CDKAL1: variants seen among roughly 807,000 people sequenced by gnomAD.
The protein encoded by CDKAL1 is threonylcarbamoyladenosine tRNA methylthiotransferase.
In CDKAL1, 32 loss-of-function variants were observed where a neutral mutation model predicts 68.2. That is an observed-to-expected ratio of 0.47 (90% confidence interval 0.35 to 0.63). CDKAL1 has a LOEUF of 0.63. CDKAL1 is among the 30% of genes least tolerant of loss of function. CDKAL1 has a pLI of 0.00. For synonymous variants in CDKAL1, 234 were observed against 244.3 expected (o/e 0.96, Z 0.39); for missense variants, 606 against 696.7 (o/e 0.87, Z 1.47).
intron 15 of CDKAL1, among the ~76,000 whole-genome samples, chr6:21,201,918 T>A (rs1778706720): frequency 6.6e-6 from 1 of 151,852 alleles, no homozygotes; most frequent in Non-Finnish European, 1.5e-5. Flanking sequence ...TTTCTAAGCA[T>A]CATTTGATGT....
intron 2 of CDKAL1, among the ~76,000 whole-genome samples, chr6:20,535,776 C>T (rs958545606): frequency 6.6e-6 from 1 of 152,110 alleles, no homozygotes; most frequent in Non-Finnish European, 1.5e-5. Flanking sequence ...TTTTTCTTCC[C>T]CTCTGGGTGA....
At position 20,802,312 on chromosome 6, in the gene CDKAL1, C is replaced by CAATAATAATAATAAT. The variant is rs1349564349; in HGVS notation, c.638+21049_638+21050insTAATAATAATAATAA. On this transcript the variant is annotated intron_variant, in intron 8 of 15. Coordinates refer to ENST00000274695, the MANE Select transcript of CDKAL1 (RefSeq NM_017774.3). ...ACTCCGTCTCAAAAAACAACAACAACAACAATAATAATAATAATAATAATA... is the reference window on the plus strand; with the variant it reads ...ACTCCGTCTCAAAAAACAACAACAACAATAATAATAATAATAACAATAATAATAATAATAATAATA... Among the ~76,000 whole-genome samples the CAATAATAATAATAAT allele has an allele frequency of 8.3e-3, 829 of 99,634 alleles. 3 individuals are homozygous for CAATAATAATAATAAT. The highest frequency in any genetic ancestry group is 0.015 in the Middle Eastern group (3 of 194). 65.4% of individuals were successfully genotyped at this position (99,634 alleles called of 152,430 possible). A position where few individuals can be genotyped will look rare whatever the true frequency, so the allele number is the denominator to read the frequency against.
intron 13 of CDKAL1, among the ~76,000 whole-genome samples, chr6:21,132,533 A>G (rs1196366851): frequency 6.6e-6 from 1 of 151,346 alleles, no homozygotes; most frequent in Non-Finnish European, 1.5e-5. Flanking sequence ...TTTTTTTATT[A>G]TTGCTTGTAC....
intron 11 of CDKAL1, among the ~76,000 whole-genome samples, chr6:21,023,987 G>C (rs1768820398): frequency 6.6e-6 from 1 of 152,132 alleles, no homozygotes. Flanking sequence ...AAAGTTTCAT[G>C]AATTTTAATG....
intron 4 of CDKAL1, among the ~76,000 whole-genome samples, chr6:20,556,006 T>C (rs2127663566): frequency 6.6e-6 from 1 of 152,234 alleles, no homozygotes; most frequent in Middle Eastern, 3.4e-3. Context: ...TATATCCCAC[T>C]GCAGTCTATA....
chr6:20,829,529 C>G (rs1000990071), intron 8 of CDKAL1, among the ~76,000 whole-genome samples: 6 of 152,288 alleles, frequency 3.9e-5, no homozygotes, highest in African/African-American at 1.4e-4. Context: ...AGATGCAATG[C>G]AAGGCATTAC....
At chr6:20,786,497 T>TC (rs1443159074) in intron 8 of CDKAL1, among the ~76,000 whole-genome samples, 4 of 132,710 alleles carry the variant, frequency 3.0e-5, no homozygotes, top group Non-Finnish European at 6.5e-5. Context: ...TTCTTATCTT[T>TC]TTTTTTTTTT....
At chr6:21,094,723 A>G (rs4454125) in intron 12 of CDKAL1, among the ~76,000 whole-genome samples, 58,314 of 152,068 alleles carry the variant, frequency 0.38, 11,556 homozygotes, top group East Asian at 0.63. Flanking sequence ...TCCAGACACT[A>G]GGTAAAGAGA....
At position 20,807,386 on chromosome 6, in the gene CDKAL1, G is replaced by A. The variant is rs537868454; in HGVS notation, c.638+26121G>A. 2.0e-5 allele frequency among the ~76,000 whole-genome samples: 3 copies of A among 152,254 alleles called. No individual in the cohort carries two copies. The South Asian group carries it at 6.2e-4, about 32-fold the overall frequency. ...CTACAGGCGCATGCCACCACGCCCA[G>A]CTAATTTTCGTATTTTTGTAGAGAT... is the stretch of plus-strand genomic sequence containing the variant. On this transcript the variant is annotated intron_variant, in intron 8 of 15. Coordinates refer to ENST00000274695, the MANE Select transcript of CDKAL1 (RefSeq NM_017774.3).
chr6:20,710,213 A>T (rs1484158631), intron 5 of CDKAL1, among the ~76,000 whole-genome samples: 1 of 152,190 alleles, frequency 6.6e-6, no homozygotes, highest in African/African-American at 2.4e-5. Flanking sequence ...TCATCTTCCT[A>T]AATTTAGTAA....
intron 13 of CDKAL1, among the ~76,000 whole-genome samples, chr6:21,176,989 G>T (rs1252888878): frequency 6.6e-6 from 1 of 152,004 alleles, no homozygotes; most frequent in African/African-American, 2.4e-5. Context: ...GAGCCACTGC[G>T]CCTGGCCAGA....
chr6:20,587,908 C>T (rs1765441992), intron 4 of CDKAL1, among the ~76,000 whole-genome samples: 1 of 152,088 alleles, frequency 6.6e-6, no homozygotes, highest in Non-Finnish European at 1.5e-5. Flanking sequence ...CCAGCCTGGG[C>T]AACATAGCGA....
intron 13 of CDKAL1, among the ~76,000 whole-genome samples, chr6:21,111,440 A>G (rs1471729714): frequency 6.6e-6 from 1 of 152,212 alleles, no homozygotes. Context: ...TAGTGCAACC[A>G]TTTTGTTCTC....
chr6:20,843,291 T>A (rs1386535543), intron 8 of CDKAL1, among the ~76,000 whole-genome samples: 1 of 152,096 alleles, frequency 6.6e-6, no homozygotes, highest in Non-Finnish European at 1.5e-5. Context: ...GTTATAAATT[T>A]TAAAATATGT....
At chr6:21,046,804 G>A (rs1770259137) in intron 11 of CDKAL1, among the ~76,000 whole-genome samples, 1 of 152,178 alleles carries the variant, frequency 6.6e-6, no homozygotes, top group Non-Finnish European at 1.5e-5. Flanking sequence ...GAACCTTGTC[G>A]AGAACATATC....
chr6:20,743,694 T>C (rs1316996049), intron 6 of CDKAL1, among the ~76,000 whole-genome samples: 1 of 152,144 alleles, frequency 6.6e-6, no homozygotes, highest in African/African-American at 2.4e-5. Flanking sequence ...ATTTGTGTGA[T>C]GGTGCATGGA....
chr6:20,647,429 G>A (rs10484632), intron 4 of CDKAL1, among the ~76,000 whole-genome samples: 2 of 151,938 alleles, frequency 1.3e-5, no homozygotes, highest in Non-Finnish European at 2.9e-5. Context: ...TTACCTACTT[G>A]CATATTGTTT....
chr6:20,869,678 AT>A (rs899232417), intron 9 of CDKAL1, among the ~76,000 whole-genome samples: 81 of 152,318 alleles, frequency 5.3e-4, no homozygotes, highest in African/African-American at 1.9e-3. Flanking sequence ...TGCCAAATTA[AT>A]TTTATACGAA....
At chr6:20,541,906 C>CACCT (rs1763404361) in intron 2 of CDKAL1, among the ~76,000 whole-genome samples, 1 of 152,196 alleles carries the variant, frequency 6.6e-6, no homozygotes, top group Non-Finnish European at 1.5e-5. Flanking sequence ...GTGATCTGTC[C>CACCT]GCCTTGGCCT....
Sources: gnomAD v4.1 joint callset for allele counts (sites outside exome capture counted in the v4.1 genomes callset) on GRCh38, gnomAD v4.1.1 for gene constraint, MANE v1.5 for transcripts, NCBI Gene and HGNC (gene_info 2026-07-23, HGNC 2026-07-21) for gene names.